The following EIF2B3 variants were observed in gnomAD, a reference collection of about 807,000 sequenced individuals.
The protein encoded by EIF2B3 is eukaryotic translation initiation factor 2B subunit gamma, also known as translation initiation factor eIF2B subunit gamma.
A neutral mutation model predicts 54.1 loss-of-function variants in EIF2B3; 20 were observed. The ratio of observed to expected loss-of-function variants is 0.37; its 90% CI spans 0.26 to 0.54. The LOEUF (loss-of-function observed/expected upper bound fraction) is 0.54, where lower values mean the gene tolerates loss of function less well. Ranked by LOEUF, EIF2B3 falls within the 20% of genes least tolerant of loss-of-function variation. The pLI is 0.86. For missense variants in EIF2B3, 448 were observed against 547.8 expected (o/e 0.82, Z 1.82); for synonymous variants, 153 against 188.1 (o/e 0.81, Z 1.52).
chr1:44,924,431 C>T (rs1643812896), intron 5 of EIF2B3, among the ~76,000 whole-genome samples: 1 of 151,892 alleles, frequency 6.6e-6, no homozygotes, highest in Non-Finnish European at 1.5e-5. Context: ...GAGACCGAGT[C>T]TCACTCTGTC....
intron 5 of EIF2B3, among the ~76,000 whole-genome samples, chr1:44,897,890 C>A (rs897234290): frequency 6.6e-6 from 1 of 151,938 alleles, no homozygotes; most frequent in Non-Finnish European, 1.5e-5. Context: ...TTGTACACCA[C>A]CATGCCCAGC....
At chr1:44,902,696 C>G (rs374537576) in intron 5 of EIF2B3, among the ~76,000 whole-genome samples, 1 of 151,658 alleles carries the variant, frequency 6.6e-6, no homozygotes, top group South Asian at 2.1e-4. Context: ...GGCATGGTGG[C>G]ATGTGCCTGT....
intron 10 of EIF2B3, among the ~76,000 whole-genome samples, chr1:44,858,833 A>C (rs1654521151): frequency 6.6e-6 from 1 of 152,124 alleles, no homozygotes; most frequent in South Asian, 2.1e-4. Context: ...AGCTCAAGCA[A>C]TTCTCCTGCT....
chr1:44,975,862 A>T (rs1388745186), intron 3 of EIF2B3, among the ~76,000 whole-genome samples: 1 of 152,044 alleles, frequency 6.6e-6, no homozygotes, highest in Non-Finnish European at 1.5e-5. Context: ...CCAGCTACTC[A>T]GGAGGCTGAG....
intron 10 of EIF2B3, among the ~76,000 whole-genome samples, chr1:44,861,899 C>T (rs2148895159): frequency 6.6e-6 from 1 of 152,266 alleles, no homozygotes; most frequent in Non-Finnish European, 1.5e-5. Context: ...ATTGTGCAGC[C>T]CAAATCACCT....
intron 2 of EIF2B3, 102 bp from the exon 3 acceptor site, chr1:44,978,562 C>A: frequency 1.9e-6 from 2 of 1,030,618 alleles, no homozygotes; most frequent in African/African-American, 1.7e-5. Flanking sequence ...GGTGTAATAA[C>A]AACTGCTAAT....
chr1:44,886,143 G>C (rs1569620802), intron 6 of EIF2B3, among the ~76,000 whole-genome samples: 1 of 151,856 alleles, frequency 6.6e-6, no homozygotes, highest in African/African-American at 2.4e-5. Flanking sequence ...GCAGTGGCAC[G>C]GTCTCGGTTC....
At chr1:44,910,720 A>G (rs1478241599) in intron 5 of EIF2B3, among the ~76,000 whole-genome samples, 11 of 146,126 alleles carry the variant, frequency 7.5e-5, no homozygotes, top group Admixed American at 6.5e-4. Flanking sequence ...GGCTCAAGCA[A>G]TCCTTCCACC....
chr1:44,980,754 A>G (rs1644503038), intron 2 of EIF2B3, among the ~76,000 whole-genome samples: 1 of 152,178 alleles, frequency 6.6e-6, no homozygotes, highest in Non-Finnish European at 1.5e-5. Context: ...ACTATGAGGC[A>G]TTTAAGAGTC....
At chr1:44,920,588 C>T (rs967163363) in intron 5 of EIF2B3, among the ~76,000 whole-genome samples, 1 of 152,116 alleles carries the variant, frequency 6.6e-6, no homozygotes, top group Non-Finnish European at 1.5e-5. Context: ...TCTCTACTTC[C>T]ATGAGTTCCA....
intron 10 of EIF2B3, 192 bp downstream of exon 10, chr1:44,874,486 C>T: frequency 3.2e-6 from 2 of 623,050 alleles, no homozygotes; most frequent in African/African-American, 3.7e-5. Flanking sequence ...GGTTTATTTT[C>T]CATTTTAGAG....
At chr1:44,965,760 C>T (rs1175991865) in intron 3 of EIF2B3, among the ~76,000 whole-genome samples, 1 of 151,230 alleles carries the variant, frequency 6.6e-6, no homozygotes, top group African/African-American at 2.4e-5. Flanking sequence ...GTGCCTCGGC[C>T]TCCTGAGTAG....
At chr1:44,963,278 C>CTTTTTTTT (rs373810618) in intron 3 of EIF2B3, among the ~76,000 whole-genome samples, 1 of 143,478 alleles carries the variant, frequency 7.0e-6, no homozygotes. Context: ...GGGGGGAAAT[C>CTTTTTTTT]TTTTTTTTTT....
At chr1:44,977,370 C>T (rs1429342119) in intron 3 of EIF2B3, among the ~76,000 whole-genome samples, 1 of 152,184 alleles carries the variant, frequency 6.6e-6, no homozygotes, top group East Asian at 1.9e-4. Context: ...AGTCAATCCT[C>T]ACCTGCAGAG....
chr1:44,884,861 A>G (rs537343613), intron 6 of EIF2B3, among the ~76,000 whole-genome samples: 24 of 152,316 alleles, frequency 1.6e-4, no homozygotes, highest in African/African-American at 5.5e-4. Flanking sequence ...AGAACCTTCG[A>G]GAGGATCCAT....
intron 5 of EIF2B3, among the ~76,000 whole-genome samples, chr1:44,902,732 G>A (rs1643333762): frequency 1.3e-5 from 2 of 151,156 alleles, no homozygotes; most frequent in Non-Finnish European, 2.9e-5. Context: ...GGTGTCTCAG[G>A]TGGGAGGACT....
intron 10 of EIF2B3, among the ~76,000 whole-genome samples, chr1:44,873,053 G>C (rs558462938): frequency 6.6e-6 from 1 of 152,148 alleles, no homozygotes; most frequent in African/African-American, 2.4e-5. Flanking sequence ...GGCTATAGTG[G>C]AATAATTTAC....
chr1:44,921,899 TTTTTA>T (rs982819217), intron 5 of EIF2B3, among the ~76,000 whole-genome samples: 43 of 150,892 alleles, frequency 2.8e-4, no homozygotes, highest in Middle Eastern at 6.8e-3. Flanking sequence ...TATATATATT[TTTTTA>T]TTTTATTTTA....
chr1:44,877,637 G>A (rs1655239762), intron 8 of EIF2B3, among the ~76,000 whole-genome samples: 1 of 152,178 alleles, frequency 6.6e-6, no homozygotes, highest in South Asian at 2.1e-4. Context: ...CTATCCCCCA[G>A]CCAAAAGAAA....
Sources: allele counts gnomAD v4.1 joint callset (sites outside exome capture counted in the v4.1 genomes callset), GRCh38; gene constraint gnomAD v4.1.1; transcripts MANE v1.5; gene names NCBI Gene and HGNC (gene_info 2026-07-23, HGNC 2026-07-21).